ROS1: variants seen among roughly 807,000 people sequenced by gnomAD.
ROS1 encodes the protein proto-oncogene tyrosine-protein kinase ROS.
A neutral mutation model predicts 273.5 loss-of-function variants in ROS1; 263 were observed. The observed-to-expected ratio is 0.96, with a 90% CI of 0.87 to 1.06. The LOEUF (loss-of-function observed/expected upper bound fraction) is 1.06, where lower values mean the gene tolerates loss of function less well. Ranked by LOEUF, ROS1 falls within the 50% of genes least tolerant of loss-of-function variation. The probability of loss-of-function intolerance (pLI) is 0.00; values close to 1 mark genes in which losing one functional copy is unlikely to be tolerated. For missense variants in ROS1, 2,833 were observed against 2,751.1 expected, an observed-to-expected ratio of 1.03 and a Z score of -0.67; for synonymous variants, 1,008 against 954.1, an observed-to-expected ratio of 1.06 and a Z score of -1.04.
At chr6:117,318,825 AG>A (rs1292759903) in intron 37 of ROS1, among the ~76,000 whole-genome samples, 1 of 152,122 alleles carries the variant, frequency 6.6e-6, no homozygotes, top group East Asian at 1.9e-4. Flanking sequence ...GCCCGAATGA[AG>A]ATGTGATGCT....
At chr6:117,308,253 G>A (rs368680608) in intron 42 of ROS1, among the ~76,000 whole-genome samples, 8 of 152,058 alleles carry the variant, frequency 5.3e-5, no homozygotes, top group East Asian at 1.9e-4. Context: ...GCCAGGATTC[G>A]CTAAAGTTAC....
chr6:117,383,114 C>T (rs1480571858), intron 17 of ROS1, among the ~76,000 whole-genome samples: 1 of 151,554 alleles, frequency 6.6e-6, no homozygotes, highest in Non-Finnish European at 1.5e-5. Context: ...CACTTATCAC[C>T]ATCAAATAAG....
intron 18 of ROS1, among the ~76,000 whole-genome samples, chr6:117,378,222 T>A (rs1029706786): frequency 5.9e-5 from 9 of 152,170 alleles, no homozygotes; most frequent in African/African-American, 2.2e-4. Context: ...AAATATTCAG[T>A]TTTATGCATA....
chr6:117,388,894 G>C (rs1158308054), intron 13 of ROS1, among the ~76,000 whole-genome samples: 1 of 152,150 alleles, frequency 6.6e-6, no homozygotes, highest in Non-Finnish European at 1.5e-5. Context: ...ATTAACAAAT[G>C]GCAAGTATTT....
At chr6:117,345,141 A>C (rs971071282) in intron 27 of ROS1, among the ~76,000 whole-genome samples, 4 of 152,220 alleles carry the variant, frequency 2.6e-5, no homozygotes, top group Non-Finnish European at 4.4e-5. Flanking sequence ...TCCTGCCCGC[A>C]TATCCAGTCT....
chr6:117,393,441 C>A (rs564438853), intron 11 of ROS1, 120 bp from the exon 12 acceptor site: 1 of 668,986 alleles, frequency 1.5e-6, no homozygotes, highest in Non-Finnish European at 2.5e-6. Flanking sequence ...GAGCACTGCC[C>A]AAGACAAATG....
chr6:117,402,487 A>C (rs1003417223), intron 7 of ROS1, among the ~76,000 whole-genome samples: 2 of 152,174 alleles, frequency 1.3e-5, no homozygotes, highest in African/African-American at 4.8e-5. Flanking sequence ...TCTAAATGAC[A>C]AACCCTGCTC....
chr6:117,303,386 C>G (rs210967), intron 42 of ROS1, among the ~76,000 whole-genome samples: 94,218 of 152,146 alleles, frequency 0.62, 29,746 homozygotes, highest in African/African-American at 0.74. Context: ...AGGCCCCTCT[C>G]CAGAGGTGAC....
intron 9 of ROS1, among the ~76,000 whole-genome samples, chr6:117,395,023 C>T (rs1172099459): frequency 6.6e-6 from 1 of 152,112 alleles, no homozygotes; most frequent in African/African-American, 2.4e-5. Context: ...AACAACCTTG[C>T]CCCAGCTCAG....
intron 21 of ROS1, 41 bp downstream of exon 21, chr6:117,365,019 T>A: frequency 6.3e-7 from 1 of 1,586,060 alleles, no homozygotes; most frequent in African/African-American, 1.4e-5. Context: ...AAAGTGAGAT[T>A]CTGCTTTTTT....
chr6:117,306,958 A>G (rs1775147964), intron 42 of ROS1, among the ~76,000 whole-genome samples: 1 of 152,206 alleles, frequency 6.6e-6, no homozygotes, highest in Non-Finnish European at 1.5e-5. Flanking sequence ...AATGAACTTC[A>G]AAACCACCAA....
intron 17 of ROS1, among the ~76,000 whole-genome samples, chr6:117,380,612 A>G (rs1228922383): frequency 6.6e-6 from 1 of 152,006 alleles, no homozygotes; most frequent in Non-Finnish European, 1.5e-5. Context: ...TTTAAAAAGG[A>G]GATTCTACAA....
intron 42 of ROS1, among the ~76,000 whole-genome samples, chr6:117,303,513 A>C (rs1774892916): frequency 6.6e-6 from 1 of 152,168 alleles, no homozygotes; most frequent in Non-Finnish European, 1.5e-5. Flanking sequence ...ATTTGGAAAG[A>C]GCTTGGCACA....
rs35932630 is a variant in ROS1 at position 117,288,553 on chromosome 6, T to C, written c.6965A>G (p.Lys2322Arg). Residue 2322 changes from lysine to arginine, a missense_variant, in exon 44 of 44, where the codon AAG becomes AGG. Transcript: ENST00000368507. The part of the protein sequence containing the change: ...EKQVAYCPSG[K>R]PEGLNYACLT... ...ACAGGCATAGTTCAGGCCTTCAGGC[T>C]TGCCAGAAGGGCAGTAAGCCACTTG... 1,188 of 1,614,120 alleles carry C rather than the reference T, an allele frequency of 7.4e-4. 7 individuals are homozygous for C. The African/African-American group carries it at 0.014, about 19-fold the overall frequency.
At chr6:117,422,240 G>A (rs1009336883) in intron 1 of ROS1, among the ~76,000 whole-genome samples, 3 of 152,020 alleles carry the variant, frequency 2.0e-5, no homozygotes, top group South Asian at 2.1e-4. Flanking sequence ...CAAACTCCTG[G>A]GCTGAAGGGA....
chr6:117,402,656 G>C (rs1180388061), intron 7 of ROS1, among the ~76,000 whole-genome samples: 1 of 152,178 alleles, frequency 6.6e-6, no homozygotes, highest in African/African-American at 2.4e-5. Context: ...GGGAGGCCAA[G>C]GCGGGCAGAT....
At position 117,365,725 on chromosome 6, in the gene ROS1, G is replaced by C; in HGVS notation, c.2814C>G (p.Thr938=). The change falls in exon 20 of 44, where the codon ACC becomes ACG. Residue 938 remains threonine, a synonymous_variant. Coordinates refer to ENST00000368507, the MANE Select transcript of ROS1 (RefSeq NM_001378902.1). ...LKPLPGNFSF[T]PKVIPDSVQE... ...GAACAGAATCTGGAATAACCTTAGG[G>C]GTAAAGGAAAAGTTCCCTACAGGAT... The C allele has an allele frequency of 1.3e-6, 2 of 1,577,086 alleles. No individual in the cohort carries two copies. Among genetic ancestry groups the C allele is most frequent in the Non-Finnish European group, 1.7e-6 (2 of 1,167,592 alleles).
At chr6:117,303,954 T>C (rs956556794) in intron 42 of ROS1, among the ~76,000 whole-genome samples, 5 of 152,172 alleles carry the variant, frequency 3.3e-5, no homozygotes, top group African/African-American at 1.2e-4. Flanking sequence ...GCATACAAAC[T>C]CCACTTCCAT....
intron 27 of ROS1, 132 bp downstream of exon 27, chr6:117,352,857 AC>A: frequency 1.4e-6 from 1 of 735,658 alleles, no homozygotes; most frequent in East Asian, 2.6e-5. Flanking sequence ...CACACAGAAG[AC>A]TAGCAGAGTT....
Sources: allele counts gnomAD v4.1 joint callset (sites outside exome capture counted in the v4.1 genomes callset), GRCh38; gene constraint gnomAD v4.1.1; transcripts MANE v1.5; gene names NCBI Gene and HGNC (gene_info 2026-07-23, HGNC 2026-07-21).